The following FGF14 variants were observed in gnomAD, a reference collection of about 807,000 sequenced individuals.
FGF14 encodes fibroblast growth factor homologous factor 4.
Under a neutral mutation model 25.5 loss-of-function variants are expected in FGF14, and 5 were observed. The ratio of observed to expected loss-of-function variants is 0.20; its 90% CI spans 0.10 to 0.41. FGF14 has a LOEUF of 0.41. Among genes scored for constraint, FGF14 ranks in the 10% least tolerant of loss-of-function variants. The pLI is 1.00. For missense variants in FGF14, 222 were observed against 320.1 expected (o/e 0.69, Z 2.34); for synonymous variants, 138 against 118.3 (o/e 1.17, Z -1.08).
intron 3 of FGF14, among the ~76,000 whole-genome samples, chr13:101,791,513 C>A (rs1337929741): frequency 6.6e-6 from 1 of 152,146 alleles, no homozygotes; most frequent in Non-Finnish European, 1.5e-5. Flanking sequence ...AGCATACCTA[C>A]TCATTAGTAA....
Position 101,741,185 on chromosome 13 carries a change from A to G in FGF14, c.409-14375T>C, listed in dbSNP as rs1455407762. 1.3e-5 allele frequency among the ~76,000 whole-genome samples: 2 copies of G among 152,094 alleles called. 1 individual carries two copies. The highest frequency in any genetic ancestry group is 1.3e-4 in the Admixed American group (2 of 15,250). On this transcript the variant is annotated intron_variant, in intron 3 of 4. Coordinates refer to ENST00000376143, the MANE Select transcript of FGF14 (RefSeq NM_004115.4). ...ACCCTGTCTCTACTAAAAATACAAA[A>G]ATTAGCTGGGCATGGTGGTGGGTGC...
intron 3 of FGF14, among the ~76,000 whole-genome samples, chr13:101,745,512 A>G (rs2036830845): frequency 6.6e-6 from 1 of 152,028 alleles, no homozygotes; most frequent in Non-Finnish European, 1.5e-5. Flanking sequence ...ACATTCATCA[A>G]TTCCTCCCTT....
chr13:102,187,582 C>T (rs1476290156), intron 1 of FGF14, among the ~76,000 whole-genome samples: 1 of 152,172 alleles, frequency 6.6e-6, no homozygotes, highest in African/African-American at 2.4e-5. Flanking sequence ...CCTTCATCTT[C>T]TCCTCATTGC....
chr13:102,367,923 C>G (rs1182953046), intron 1 of FGF14: 1 of 152,188 alleles, frequency 6.6e-6, no homozygotes, highest in African/African-American at 2.4e-5. Flanking sequence ...AGAGGACGTG[C>G]CTAAGTTCCG....
intron 3 of FGF14, among the ~76,000 whole-genome samples, chr13:101,808,048 T>G (rs1380731341): frequency 6.6e-6 from 1 of 152,024 alleles, no homozygotes; most frequent in Non-Finnish European, 1.5e-5. Flanking sequence ...AAGCAAGAAA[T>G]ATACTATATA....
intron 3 of FGF14, among the ~76,000 whole-genome samples, chr13:101,763,158 T>C (rs1165813487): frequency 6.6e-6 from 1 of 151,720 alleles, no homozygotes; most frequent in Non-Finnish European, 1.5e-5. Context: ...GAATAGAGTG[T>C]GATGAAGTGA....
In FGF14 at chr13:101,715,417, T is replaced by C; in HGVS notation, c.*7414A>G. The C allele has an allele frequency of 1.5e-6, 1 of 669,726 alleles. No individual in the cohort carries two copies. The highest frequency in any genetic ancestry group is 1.8e-5 in the South Asian group (1 of 54,932). The allele number at this position is 669,726 out of a possible 1,614,324, so 41.5% of individuals were successfully genotyped here. On this transcript the variant is annotated 3_prime_UTR_variant, in exon 5 of 5. Coordinates refer to ENST00000376143, the MANE Select transcript of FGF14 (RefSeq NM_004115.4). ...GATGTCTCGCAGCTGCTTAATAAGA[T>C]GTAATAATAACATCATTGCACAATA...
At chr13:101,931,797 GA>G (rs1413044905) in intron 1 of FGF14, among the ~76,000 whole-genome samples, 1 of 152,174 alleles carries the variant, frequency 6.6e-6, no homozygotes. Flanking sequence ...CAAAGCACCT[GA>G]AGAACGCGAT....
intron 1 of FGF14, among the ~76,000 whole-genome samples, chr13:102,258,328 G>C (rs1434793324): frequency 6.6e-6 from 1 of 152,102 alleles, no homozygotes; most frequent in Non-Finnish European, 1.5e-5. Context: ...AGGGACATTT[G>C]TACTGTGCCC....
At chr13:102,261,276 C>T (rs1365134068) in intron 1 of FGF14, among the ~76,000 whole-genome samples, 1 of 152,152 alleles carries the variant, frequency 6.6e-6, no homozygotes, top group Non-Finnish European at 1.5e-5. Context: ...TTACCTTTAG[C>T]TTCTTGGCTG....
At chr13:101,778,430 G>A (rs953483799) in intron 3 of FGF14, among the ~76,000 whole-genome samples, 1 of 152,078 alleles carries the variant, frequency 6.6e-6, no homozygotes, top group East Asian at 1.9e-4. Context: ...AACCTCCATC[G>A]CCTTGCCTCA....
At chr13:101,742,628 C>T (rs2036625978) in intron 3 of FGF14, among the ~76,000 whole-genome samples, 1 of 151,856 alleles carries the variant, frequency 6.6e-6, no homozygotes, top group Non-Finnish European at 1.5e-5. Context: ...GCAAAGTGTG[C>T]CCTCAATAAA....
In FGF14 at chr13:101,719,258, C is replaced by A. The variant is rs2034835741; in HGVS notation, c.*3573G>T. ...TTGTTCATCCTGATAAAAATAACAA[C>A]TTTTAGTGCTTAAAGCATTAATTAA... On this transcript the variant is annotated 3_prime_UTR_variant, in exon 5 of 5. Coordinates refer to ENST00000376143, the MANE Select transcript of FGF14 (RefSeq NM_004115.4). 6.6e-6 allele frequency: 1 copy of A among 151,996 alleles called. No individual in the cohort carries two copies. The highest frequency in any genetic ancestry group is 2.1e-4 in the South Asian group (1 of 4,818). The allele number at this position is 151,996 out of a possible 1,614,324, so 9.4% of individuals were successfully genotyped here.
chr13:102,230,164 GA>G (rs1429651101), intron 1 of FGF14, among the ~76,000 whole-genome samples: 1 of 152,150 alleles, frequency 6.6e-6, no homozygotes, highest in Non-Finnish European at 1.5e-5. Context: ...CACCATGTGA[GA>G]ACACAGCTAG....
chr13:102,125,278 A>G (rs1272600501), intron 1 of FGF14, among the ~76,000 whole-genome samples: 1 of 152,166 alleles, frequency 6.6e-6, no homozygotes, highest in Non-Finnish European at 1.5e-5. Flanking sequence ...GAAAGCTTTT[A>G]TTGAATTTTC....
At chr13:101,914,199 ATAAT>A (rs1161513567) in intron 1 of FGF14, among the ~76,000 whole-genome samples, 7 of 151,170 alleles carry the variant, frequency 4.6e-5, no homozygotes, top group African/African-American at 1.7e-4. Context: ...AATTAAATGA[ATAAT>A]TATATTGTTA....
chr13:101,941,541 G>A (rs1443189626), intron 1 of FGF14, among the ~76,000 whole-genome samples: 2 of 152,166 alleles, frequency 1.3e-5, no homozygotes, highest in African/African-American at 2.4e-5. Flanking sequence ...GTTGCAGCAA[G>A]ACTCCTGAGA....
chr13:102,355,904 A>AT (rs1310610962), intron 1 of FGF14, among the ~76,000 whole-genome samples: 1 of 152,102 alleles, frequency 6.6e-6, no homozygotes, highest in East Asian at 1.9e-4. Flanking sequence ...CAAGCCTAAG[A>AT]TTTTTTTCCA....
intron 1 of FGF14, among the ~76,000 whole-genome samples, chr13:102,035,831 C>T (rs1253065739): frequency 1.3e-5 from 2 of 152,078 alleles, no homozygotes; most frequent in Non-Finnish European, 2.9e-5. Flanking sequence ...TTCCTTCTAG[C>T]TCTAAAGTGC....
Sources: allele counts gnomAD v4.1 joint callset (sites outside exome capture counted in the v4.1 genomes callset), GRCh38; gene constraint gnomAD v4.1.1; transcripts MANE v1.5; gene names NCBI Gene and HGNC (gene_info 2026-07-23, HGNC 2026-07-21).